DRGX: variants seen among roughly 807,000 people sequenced by gnomAD.
DRGX encodes the protein dorsal root ganglia homeobox protein.
DRGX carries 21 observed loss-of-function variants against 28.6 expected under a neutral mutation model. That is an observed-to-expected ratio of 0.73 (90% CI 0.52 to 1.06). DRGX has a LOEUF of 1.06. Among genes scored for constraint, DRGX ranks in the 50% least tolerant of loss-of-function variants. The probability of loss-of-function intolerance (pLI) is 0.00; values close to 1 mark genes in which losing one functional copy is unlikely to be tolerated. For missense variants in DRGX, 354 were observed against 343.9 expected (o/e 1.03, Z -0.23); for synonymous variants, 136 against 139.1 (o/e 0.98, Z 0.16).
chr10:49,366,530 C>T, intron 6 of DRGX, 149 bp from the exon 7 acceptor site: 8 of 1,190,248 alleles, frequency 6.7e-6, no homozygotes, highest in Non-Finnish European at 8.0e-6. Flanking sequence ...GTGCTCAGAA[C>T]CTCAAAGACA....
At chr10:49,366,558 G>C (rs185485051) in intron 6 of DRGX, among the ~76,000 whole-genome samples, 177 bp from the exon 7 acceptor site, 8 of 152,360 alleles carry the variant, frequency 5.3e-5, no homozygotes, top group Admixed American at 5.2e-4. Flanking sequence ...AAGGGACCTA[G>C]TTAATCGTTC....
intron 3 of DRGX, 66 bp downstream of exon 3, chr10:49,391,098 T>G (rs1849898271): frequency 6.6e-7 from 1 of 1,504,800 alleles, no homozygotes; most frequent in Admixed American, 1.7e-5. Context: ...AAAGAAGAGT[T>G]GCTCAACTTT....
In DRGX at chr10:49,364,569, A is replaced by G. The variant is rs1211403800; in HGVS notation, c.*1547T>C. The stretch of plus-strand genomic sequence containing the variant: ...TTGAGCTTACATCCTTCAACCAAAC[A>G]TTCGTAATTACAGGGAAACGGAAGC... On this transcript the variant is annotated 3_prime_UTR_variant, in exon 7 of 7. Transcript: ENST00000374139. 6.6e-6 allele frequency: 1 copy of G among 152,308 alleles called. No homozygotes were observed. The highest frequency in any genetic ancestry group is 3.4e-3 in the Middle Eastern group (1 of 294). 9.4% of individuals were successfully genotyped at this position (152,308 alleles called of 1,614,324 possible). A position where few individuals can be genotyped will look rare whatever the true frequency, so the allele number is the denominator to read the frequency against.
chr10:49,384,716 A>AC (rs1849812892), intron 6 of DRGX, among the ~76,000 whole-genome samples: 1 of 151,956 alleles, frequency 6.6e-6, no homozygotes, highest in African/African-American at 2.4e-5. Flanking sequence ...AGCTGGGAGC[A>AC]CCCCCAGGGT....
chr10:49,391,875 T>C (rs1849910139), intron 2 of DRGX: 1 of 520,312 alleles, frequency 1.9e-6, no homozygotes, highest in Non-Finnish European at 4.0e-6. Context: ...GGATCTGTTA[T>C]ATAGATGTCA....
intron 1 of DRGX, 132 bp downstream of exon 1, chr10:49,395,803 C>A (rs1403433633): frequency 2.2e-5 from 7 of 325,016 alleles, no homozygotes; most frequent in Non-Finnish European, 3.5e-5. Flanking sequence ...AGAAGCCCTG[C>A]ACCCGGGCCA....
intron 6 of DRGX, 64 bp downstream of exon 6, chr10:49,386,414 G>C: frequency 7.1e-7 from 1 of 1,399,776 alleles, no homozygotes; most frequent in South Asian, 1.5e-5. Flanking sequence ...GACCCAGGCC[G>C]GTCACACAAA....
At chr10:49,369,951 G>C (rs1443192957) in intron 6 of DRGX, among the ~76,000 whole-genome samples, 1 of 151,906 alleles carries the variant, frequency 6.6e-6, no homozygotes, top group Non-Finnish European at 1.5e-5. Context: ...CACGTCCATG[G>C]GGCTGGCACT....
At position 49,395,471 on chromosome 10, in the gene DRGX, G is replaced by A. The variant is rs997114448; in HGVS notation, c.-31C>T. The A allele has an allele frequency of 3.2e-6, 5 of 1,549,408 alleles. No individual in the cohort carries two copies. In the Admixed American group the frequency reaches 7.8e-5, roughly 24 times the overall value. On this transcript the variant is annotated 5_prime_UTR_variant, in exon 2 of 7. Transcript: ENST00000374139. ...GCTGTCAGATCGGCTGGACGGCCGA[G>A]ACCTGGGAGGGTGGCAGCAGAACGG...
chr10:49,366,128 C>T lies in DRGX; in HGVS notation c.780G>A (p.Glu260=), dbSNP rs1208011978. ...GCACTGTGGACCCTCATACACTCTT[C>T]TCTGCCTCGCTCTGTTCCTTGGTGG... ...TSPTKEQSEA[E]KSV The change falls in exon 7 of 7, where the codon GAG becomes GAA. Residue 260 remains glutamate (E), a synonymous_variant. Transcript: ENST00000374139. 8.2e-6 allele frequency: 13 copies of T among 1,590,824 alleles called. No homozygotes were observed. Among genetic ancestry groups the T allele is most frequent in the Non-Finnish European group, 8.6e-6 (10 of 1,166,554 alleles).
Position 49,366,382 on chromosome 10 carries a change from CT to C in DRGX, c.527-2del. The C allele has an allele frequency of 1.3e-6, 2 of 1,593,540 alleles. No homozygotes were observed. The highest frequency in any genetic ancestry group is 1.7e-6 in the Non-Finnish European group (2 of 1,166,476). ...ACGCAGCAAGAGCACAGTGGGCCCCCTGGAAAAGGAAAAACAACAGGCTCCC... is the reference window on the plus strand; with the variant it reads ...ACGCAGCAAGAGCACAGTGGGCCCCCGGAAAAGGAAAAACAACAGGCTCCC... On this transcript the variant is annotated splice_acceptor_variant, in intron 6 of 6. Transcript: ENST00000374139. LOFTEE classifies it high-confidence loss of function.
chr10:49,375,250 C>T (rs1335528316), intron 6 of DRGX, among the ~76,000 whole-genome samples: 1 of 152,184 alleles, frequency 6.6e-6, no homozygotes, highest in Non-Finnish European at 1.5e-5. Flanking sequence ...CACACCTCAC[C>T]TCCCAAGCTT....
chr10:49,379,470 TAAA>T (rs974926491), intron 6 of DRGX, among the ~76,000 whole-genome samples: 23 of 152,296 alleles, frequency 1.5e-4, no homozygotes, highest in African/African-American at 4.6e-4. Flanking sequence ...AAAACATCGT[TAAA>T]GAAGAAGAGG....
chr10:49,376,512 G>A (rs1849718754), intron 6 of DRGX, among the ~76,000 whole-genome samples: 1 of 152,170 alleles, frequency 6.6e-6, no homozygotes, highest in African/African-American at 2.4e-5. Context: ...ATGCTTGCAG[G>A]AAGCAGAAAC....
At chr10:49,367,728 T>C (rs1331603168) in intron 6 of DRGX, among the ~76,000 whole-genome samples, 2 of 152,188 alleles carry the variant, frequency 1.3e-5, no homozygotes, top group African/African-American at 4.8e-5. Flanking sequence ...TGCAGCAAGG[T>C]CAGCACCAAG....
Position 49,391,133 on chromosome 10 carries a change from T to C in DRGX, c.132+31A>G, listed in dbSNP as rs771216453. On this transcript the variant is annotated intron_variant, in intron 3 of 6. Transcript: ENST00000374139. ...TGATTTGGGGGAGGTAGGAAGTAGC[T>C]GATGTTTGAAAGGAGAATCAACGTT... 28 of 1,608,856 alleles carry C rather than the reference T, an allele frequency of 1.7e-5. No individual in the cohort carries two copies. The East Asian group carries it at 6.0e-4, about 35-fold the overall frequency.
intron 2 of DRGX, among the ~76,000 whole-genome samples, chr10:49,391,639 C>T (rs548400435): frequency 6.6e-6 from 1 of 152,234 alleles, no homozygotes; most frequent in Non-Finnish European, 1.5e-5. Context: ...ACTCCAGATC[C>T]TTTAATAGAA....
chr10:49,376,959 C>T (rs1426448346), intron 6 of DRGX, among the ~76,000 whole-genome samples: 1 of 152,214 alleles, frequency 6.6e-6, no homozygotes, highest in Non-Finnish European at 1.5e-5. Flanking sequence ...TCCAAGCCCA[C>T]CCCCTAGCCC....
chr10:49,380,641 G>A (rs1849764828), intron 6 of DRGX, among the ~76,000 whole-genome samples: 1 of 152,202 alleles, frequency 6.6e-6, no homozygotes, highest in Non-Finnish European at 1.5e-5. Context: ...GCACATCACT[G>A]CTTGAAGCCC....
Sources: gnomAD v4.1 joint callset for allele counts (sites outside exome capture counted in the v4.1 genomes callset) on GRCh38, gnomAD v4.1.1 for gene constraint, MANE v1.5 for transcripts, NCBI Gene and HGNC (gene_info 2026-07-23, HGNC 2026-07-21) for gene names.